Variants in SUGCT observed in about 807,000 individuals in gnomAD.
SUGCT encodes succinyl-CoA:glutarate CoA-transferase.
A neutral mutation model predicts 55.0 loss-of-function variants in SUGCT; 41 were observed. The ratio of observed to expected loss-of-function variants is 0.74; its 90% CI spans 0.58 to 0.97. The LOEUF is 0.97. SUGCT is among the 50% of genes least tolerant of loss of function. The pLI is 0.00. For synonymous variants in SUGCT, 187 were observed against 200.4 expected (o/e 0.93, Z 0.56); for missense variants, 568 against 547.8 (o/e 1.04, Z -0.37).
chr7:40,898,596 C>T, the SUGCT span, among the ~76,000 whole-genome samples: 9 of 147,540 alleles, frequency 6.1e-5, no homozygotes, highest in Non-Finnish European at 1.2e-4. Flanking sequence ...AGGTGGTGGG[C>T]GCTTGTAGTC....
intron 12 of SUGCT, among the ~76,000 whole-genome samples, chr7:40,631,113 C>G (rs1288213619): frequency 2.0e-5 from 3 of 152,068 alleles, no homozygotes; most frequent in African/African-American, 4.8e-5. Context: ...ACCCTGTGTT[C>G]TAGAATGATA....
chr7:40,911,896 G>C, the SUGCT span, among the ~76,000 whole-genome samples: 4 of 152,190 alleles, frequency 2.6e-5, no homozygotes, highest in Non-Finnish European at 5.9e-5. Context: ...GGCATGGTGT[G>C]TGTGTGGATG....
At chr7:40,793,114 TTGCC>T (rs1790393673) in intron 13 of SUGCT, 1 of 152,146 alleles carries the variant, frequency 6.6e-6, no homozygotes, top group South Asian at 2.1e-4. Context: ...GTTACTGGAT[TTGCC>T]TGCATTATAC....
chr7:40,912,934 G>C, the SUGCT span, among the ~76,000 whole-genome samples: 7 of 151,524 alleles, frequency 4.6e-5, no homozygotes, highest in East Asian at 1.2e-3. Flanking sequence ...ATATACCCCT[G>C]ATCTGACTGC....
At chr7:40,234,043 AT>A (rs1788870599) in intron 6 of SUGCT, among the ~76,000 whole-genome samples, 2 of 152,086 alleles carry the variant, frequency 1.3e-5, no homozygotes, top group East Asian at 1.9e-4. Context: ...TAATTAGGAT[AT>A]TTGTGTCTCT....
chr7:40,529,175 C>T (rs1793958237), intron 12 of SUGCT, among the ~76,000 whole-genome samples: 1 of 152,192 alleles, frequency 6.6e-6, no homozygotes, highest in Non-Finnish European at 1.5e-5. Flanking sequence ...TAGGTGAGAT[C>T]TTGAAACTGG....
intron 12 of SUGCT, among the ~76,000 whole-genome samples, chr7:40,632,104 A>G (rs1422874548): frequency 6.6e-6 from 1 of 152,164 alleles, no homozygotes; most frequent in Non-Finnish European, 1.5e-5. Flanking sequence ...TGCTTTATAC[A>G]TACTGTGTCC....
At chr7:40,266,169 T>G (rs926983744) in intron 7 of SUGCT, among the ~76,000 whole-genome samples, 1 of 140,152 alleles carries the variant, frequency 7.1e-6, no homozygotes, top group African/African-American at 2.7e-5. Context: ...CTTTTTCTTT[T>G]CTTTTCTTTC....
At chr7:40,669,295 T>C (rs28814329) in intron 12 of SUGCT, among the ~76,000 whole-genome samples, 7,740 of 148,402 alleles carry the variant, frequency 0.052, 632 homozygotes, top group African/African-American at 0.18. Flanking sequence ...AAACAGAAGG[T>C]TTAAATAAGG....
At chr7:40,646,217 A>G (rs1800501991) in intron 12 of SUGCT, among the ~76,000 whole-genome samples, 1 of 152,120 alleles carries the variant, frequency 6.6e-6, no homozygotes, top group Non-Finnish European at 1.5e-5. Flanking sequence ...AATGCTTCCA[A>G]TTCTCTGTGA....
intron 12 of SUGCT, among the ~76,000 whole-genome samples, chr7:40,693,824 A>G (rs1395391152): frequency 6.6e-6 from 1 of 152,186 alleles, no homozygotes; most frequent in Non-Finnish European, 1.5e-5. Context: ...AATATTTGCT[A>G]TTTCCATGAC....
At chr7:40,996,597 G>A in the SUGCT span, among the ~76,000 whole-genome samples, 799 of 152,270 alleles carry the variant, frequency 5.2e-3, 8 homozygotes, top group African/African-American at 0.018. Context: ...TTGCCACACC[G>A]TCCATGCCAA....
intron 12 of SUGCT, among the ~76,000 whole-genome samples, chr7:40,670,215 C>T (rs559939538): frequency 8.5e-5 from 12 of 141,856 alleles, no homozygotes; most frequent in Non-Finnish European, 1.2e-4. Flanking sequence ...AGAAGAGTTT[C>T]ATATCAGTAA....
At chr7:40,184,821 A>G (rs1321347957) in intron 3 of SUGCT, among the ~76,000 whole-genome samples, 2 of 152,312 alleles carry the variant, frequency 1.3e-5, no homozygotes, top group South Asian at 2.1e-4. Flanking sequence ...AATTGACCAT[A>G]AGTGATAGCC....
chr7:40,343,785 T>G (rs1177437001), intron 9 of SUGCT, among the ~76,000 whole-genome samples: 1 of 152,078 alleles, frequency 6.6e-6, no homozygotes, highest in Non-Finnish European at 1.5e-5. Context: ...GCCTCCTGAG[T>G]AGCTGGGACT....
chr7:40,827,766 G>A (rs1308074219), intron 13 of SUGCT, among the ~76,000 whole-genome samples: 1 of 152,046 alleles, frequency 6.6e-6, no homozygotes, highest in African/African-American at 2.4e-5. Flanking sequence ...CTTAAGCAAG[G>A]CTGGCAAAGG....
chr7:40,872,800 T>C, the SUGCT span, among the ~76,000 whole-genome samples: 4 of 152,218 alleles, frequency 2.6e-5, no homozygotes, highest in African/African-American at 9.6e-5. Context: ...TGTAGGGAAG[T>C]AGAGTGTTTA....
At chr7:40,398,104 T>C (rs1785842723) in intron 9 of SUGCT, among the ~76,000 whole-genome samples, 1 of 152,178 alleles carries the variant, frequency 6.6e-6, no homozygotes, top group South Asian at 2.1e-4. Context: ...TTTTCTTTTC[T>C]TTTTTTGAGA....
At position 40,169,740 on chromosome 7, in the gene SUGCT, C is replaced by CT. The variant is rs879582959; in HGVS notation, c.101-11195dup. Among the ~76,000 whole-genome samples, 372 of 144,974 alleles carry CT rather than the reference C, an allele frequency of 2.6e-3. 1 individual carries two copies. Among genetic ancestry groups the CT allele is most frequent in the Non-Finnish European group, 3.5e-3 (230 of 65,634 alleles). On this transcript the variant is annotated intron_variant, in intron 1 of 13. Transcript: ENST00000335693. ...CTGAGGGCCACAACTAAGTGGTGGC[C>CT]TTTTTTTTTTTTATCCCATTTGTCC...
Sources: allele counts gnomAD v4.1 joint callset (sites outside exome capture counted in the v4.1 genomes callset), GRCh38; gene constraint gnomAD v4.1.1; transcripts MANE v1.5; gene names NCBI Gene and HGNC (gene_info 2026-07-23, HGNC 2026-07-21).